Variants in CNEP1R1 observed in about 807,000 individuals in gnomAD.
CNEP1R1 encodes the protein nuclear envelope phosphatase-regulatory subunit 1.
CNEP1R1 carries 10 observed loss-of-function variants against 22.7 expected under a neutral mutation model. The observed-to-expected ratio is 0.44, with a 90% CI of 0.27 to 0.75. The LOEUF is 0.75. Among genes scored for constraint, CNEP1R1 ranks in the 30% least tolerant of loss-of-function variants. CNEP1R1 has a pLI of 0.17. For synonymous variants in CNEP1R1, 53 were observed against 50.1 expected (o/e 1.06, Z -0.25); for missense variants, 73 against 151.5 (o/e 0.48, Z 2.72).
chr16:50,027,110 A>G (rs992608039), intron 2 of CNEP1R1, among the ~76,000 whole-genome samples: 5 of 152,206 alleles, frequency 3.3e-5, no homozygotes, highest in Non-Finnish European at 7.3e-5. Flanking sequence ...TTTTAGTAAG[A>G]AGAGTCATAT....
At chr16:50,028,737 C>G (rs1209855954) in intron 2 of CNEP1R1, among the ~76,000 whole-genome samples, 4 of 151,866 alleles carry the variant, frequency 2.6e-5, no homozygotes, top group Non-Finnish European at 4.4e-5. Context: ...TTTGCTTTTT[C>G]TTATTTTTTT....
At chr16:50,026,195 A>G (rs985538464) in intron 1 of CNEP1R1, 1 of 472,404 alleles carries the variant, frequency 2.1e-6, no homozygotes, top group Non-Finnish European at 3.8e-6. Flanking sequence ...TTGGAATTAA[A>G]GAGCCCTAAT....
chr16:50,027,664 G>A (rs1206768477), intron 2 of CNEP1R1, among the ~76,000 whole-genome samples: 1 of 151,590 alleles, frequency 6.6e-6, no homozygotes, highest in Non-Finnish European at 1.5e-5. Flanking sequence ...AGGGAACAGA[G>A]GGAGACCCTG....
At chr16:50,028,755 A>G (rs890876566) in intron 2 of CNEP1R1, among the ~76,000 whole-genome samples, 1 of 152,196 alleles carries the variant, frequency 6.6e-6, no homozygotes, top group East Asian at 1.9e-4. Context: ...TTTAAAACAT[A>G]CATGTGTAAT....
rs549580482 is a variant in CNEP1R1 at position 50,037,079 on chromosome 16, T to C, written c.*1621T>C. The C allele has an allele frequency of 5.5e-5, 6 of 110,020 alleles. No individual in the cohort carries two copies. The highest frequency in any genetic ancestry group is 2.1e-4 in the African/African-American group (6 of 28,900). 6.8% of individuals were successfully genotyped at this position (110,020 alleles called of 1,614,324 possible). Reference sequence around the variant, plus strand: ...GCATTAAAAATAAATACTTTATATATAACTCGTGATTGGACTTTTTCTTTA... The same window carrying C: ...GCATTAAAAATAAATACTTTATATACAACTCGTGATTGGACTTTTTCTTTA... On this transcript the variant is annotated 3_prime_UTR_variant, in exon 6 of 6. Coordinates refer to ENST00000427478, the MANE Select transcript of CNEP1R1 (RefSeq NM_001281789.2).
chr16:50,034,382 A>G (rs2036258412), intron 5 of CNEP1R1: 1 of 512,384 alleles, frequency 2.0e-6, no homozygotes, highest in Non-Finnish European at 3.5e-6. Flanking sequence ...TGACAATTTA[A>G]TCTTTCTTAA....
chr16:50,033,373 A>G (rs2036247752), intron 3 of CNEP1R1, 24 bp from the exon 4 acceptor site: 1 of 1,264,334 alleles, frequency 7.9e-7, no homozygotes, highest in African/African-American at 1.5e-5. Flanking sequence ...TAACATTTTT[A>G]TATTTTCATC....
rs562183022 is a variant in CNEP1R1 at position 50,034,030 on chromosome 16, C to T, written c.282-72C>T. 2.4e-5 allele frequency: 28 copies of T among 1,161,846 alleles called. No homozygotes were observed. In the Admixed American group the frequency reaches 3.0e-4, roughly 12 times the overall value. 72.0% of individuals were successfully genotyped at this position (1,161,846 alleles called of 1,614,324 possible). A position where few individuals can be genotyped will look rare whatever the true frequency, so the allele number is the denominator to read the frequency against. On this transcript the variant is annotated intron_variant, in intron 4 of 5. Transcript: ENST00000427478. ...CCTCCCAAAGTGCTGGGATTACAGGCTTGAGCCACCGCACCCGGCCTAAAA... is the reference window on the plus strand; with the variant it reads ...CCTCCCAAAGTGCTGGGATTACAGGTTTGAGCCACCGCACCCGGCCTAAAA...
At chr16:50,034,231 A>G in intron 5 of CNEP1R1, 75 bp downstream of exon 5, 1 of 870,782 alleles carries the variant, frequency 1.1e-6, no homozygotes, top group African/African-American at 1.7e-5. Flanking sequence ...AAAGGTAGAC[A>G]TTTTATTAGC....
At position 50,036,003 on chromosome 16, in the gene CNEP1R1, G is replaced by T. The variant is rs1279463455; in HGVS notation, c.*545G>T. 1 of 152,556 alleles carries T rather than the reference G, an allele frequency of 6.6e-6. No homozygotes were observed. Among genetic ancestry groups the T allele is most frequent in the Non-Finnish European group, 1.5e-5 (1 of 68,068 alleles). 9.5% of individuals were successfully genotyped at this position (152,556 alleles called of 1,614,324 possible). On this transcript the variant is annotated 3_prime_UTR_variant, in exon 6 of 6. Transcript: ENST00000427478. ...ACTGAGGAAAACTCTCCATTATGTT[G>T]TAAGAAATTATAGATGTTTTGAGAG...
chr16:50,029,095 T>A (rs2036210810), intron 2 of CNEP1R1, among the ~76,000 whole-genome samples: 2 of 152,234 alleles, frequency 1.3e-5, no homozygotes, highest in South Asian at 4.1e-4. Flanking sequence ...AATACCATTC[T>A]TAAGTTTTAC....
At chr16:50,035,215 A>C (rs2036265290) in intron 5 of CNEP1R1, among the ~76,000 whole-genome samples, 1 of 152,186 alleles carries the variant, frequency 6.6e-6, no homozygotes, top group South Asian at 2.1e-4. Flanking sequence ...AGAAAAAAAG[A>C]TGTATGTAGT....
chr16:50,026,541 T>C (rs2036185259), intron 2 of CNEP1R1, 74 bp downstream of exon 2: 2 of 1,140,342 alleles, frequency 1.8e-6, no homozygotes, highest in Non-Finnish European at 2.6e-6. Context: ...ATGATTTGCT[T>C]TTATGTAAAA....
At position 50,036,846 on chromosome 16, in the gene CNEP1R1, C is replaced by CA. The variant is rs1414450171; in HGVS notation, c.*1389dup. On this transcript the variant is annotated 3_prime_UTR_variant, in exon 6 of 6. Transcript: ENST00000427478. ...GAGCAATCTTTTAAATTTCATTTAA[C>CA]ATAAAGCTGAAAATTCAATAACAGG... is the stretch of plus-strand genomic sequence containing the variant. The CA allele has an allele frequency of 6.6e-6, 1 of 152,558 alleles. No individual in the cohort carries two copies. The highest frequency in any genetic ancestry group is 1.5e-5 in the Non-Finnish European group (1 of 68,030). 9.5% of individuals were successfully genotyped at this position (152,558 alleles called of 1,614,324 possible).
intron 3 of CNEP1R1, among the ~76,000 whole-genome samples, chr16:50,030,166 C>A (rs2036219405): frequency 6.6e-6 from 1 of 152,044 alleles, no homozygotes; most frequent in Non-Finnish European, 1.5e-5. Flanking sequence ...TTTAAAAGTT[C>A]TAAAATAGGC....
intron 3 of CNEP1R1, among the ~76,000 whole-genome samples, chr16:50,031,383 C>A (rs2036230108): frequency 6.6e-6 from 1 of 152,098 alleles, no homozygotes; most frequent in Non-Finnish European, 1.5e-5. Context: ...ATTTTTATGG[C>A]AGACAGGAAA....
intron 1 of CNEP1R1, chr16:50,025,819 G>T (rs909182685): frequency 7.9e-5 from 66 of 831,076 alleles, no homozygotes; most frequent in Non-Finnish European, 1.0e-4. Flanking sequence ...GCGCTGCCTG[G>T]GTGCCACGAA....
chr16:50,025,722 G>T, intron 1 of CNEP1R1: 3 of 1,609,966 alleles, frequency 1.9e-6, no homozygotes, highest in Non-Finnish European at 2.6e-6. Flanking sequence ...GCTGCTCGGT[G>T]TTTTAAAGTT....
chr16:50,027,222 GGA>G (rs763919792), intron 2 of CNEP1R1, among the ~76,000 whole-genome samples: 3 of 152,026 alleles, frequency 2.0e-5, no homozygotes, highest in South Asian at 2.1e-4. Context: ...TGGGTAACAT[GGA>G]GAGACCCCAT....
Sources: allele counts gnomAD v4.1 joint callset (sites outside exome capture counted in the v4.1 genomes callset), GRCh38; gene constraint gnomAD v4.1.1; transcripts MANE v1.5; gene names NCBI Gene and HGNC (gene_info 2026-07-23, HGNC 2026-07-21).